The following ASTN2 variants were observed in gnomAD, a reference collection of about 807,000 sequenced individuals.
The protein encoded by ASTN2 is astrotactin-2.
In ASTN2, 54 loss-of-function variants were observed where a neutral mutation model predicts 139.8. The ratio of observed to expected loss-of-function variants is 0.39; its 90% CI spans 0.31 to 0.48. The LOEUF (loss-of-function observed/expected upper bound fraction) is 0.48. Among genes scored for constraint, ASTN2 ranks in the 20% least tolerant of loss-of-function variants. The pLI, the probability that ASTN2 is intolerant of heterozygous loss-of-function variation, is 0.95. For synonymous variants in ASTN2, 756 were observed against 719.5 expected, an observed-to-expected ratio of 1.05 and a Z score of -0.81; for missense variants, 1,565 against 1,725.1, an observed-to-expected ratio of 0.91 and a Z score of 1.64.
chr9:116,780,741 T>C (rs1830197309), intron 13 of ASTN2, among the ~76,000 whole-genome samples: 1 of 152,210 alleles, frequency 6.6e-6, no homozygotes, highest in African/African-American at 2.4e-5. Flanking sequence ...AGAGCTATTT[T>C]ATTTACTTTT....
chr9:117,122,564 G>A (rs1173460160), intron 4 of ASTN2, among the ~76,000 whole-genome samples: 1 of 152,230 alleles, frequency 6.6e-6, no homozygotes, highest in Non-Finnish European at 1.5e-5. Context: ...GCAGTCTGAA[G>A]TGTCCACATG....
intron 1 of ASTN2, among the ~76,000 whole-genome samples, chr9:117,403,533 G>A (rs984752962): frequency 2.0e-5 from 3 of 150,806 alleles, no homozygotes; most frequent in East Asian, 3.9e-4. Flanking sequence ...GCCTTCCCCC[G>A]ATGCCCCACC....
intron 4 of ASTN2, among the ~76,000 whole-genome samples, chr9:117,119,702 A>G (rs1829491589): frequency 6.6e-6 from 1 of 152,114 alleles, no homozygotes; most frequent in Non-Finnish European, 1.5e-5. Flanking sequence ...AAATATGAGA[A>G]AGAGACACTA....
At chr9:116,914,610 T>C (rs1834396002) in intron 10 of ASTN2, among the ~76,000 whole-genome samples, 1 of 151,238 alleles carries the variant, frequency 6.6e-6, no homozygotes, top group Admixed American at 6.6e-5. Context: ...ATCTCAGTCT[T>C]CATGAGGTGG....
chr9:116,489,568 C>G (rs1214239977), intron 19 of ASTN2, among the ~76,000 whole-genome samples: 1 of 152,136 alleles, frequency 6.6e-6, no homozygotes, highest in Non-Finnish European at 1.5e-5. Flanking sequence ...AACTACTGAG[C>G]CTTGGCCTCC....
intron 17 of ASTN2, among the ~76,000 whole-genome samples, chr9:116,621,021 A>G (rs369645251): frequency 1.3e-4 from 20 of 152,180 alleles, no homozygotes; most frequent in African/African-American, 4.6e-4. Flanking sequence ...CCACCTTTTC[A>G]TCTCTCACCA....
intron 5 of ASTN2, among the ~76,000 whole-genome samples, chr9:117,059,808 T>G (rs1276985456): frequency 6.6e-6 from 1 of 152,122 alleles, no homozygotes; most frequent in African/African-American, 2.4e-5. Context: ...CAACAAATAC[T>G]TATAAAGTTT....
chr9:117,225,535 G>GTGTATATATATA (rs372269409), intron 2 of ASTN2, among the ~76,000 whole-genome samples: 3 of 63,962 alleles, frequency 4.7e-5, no homozygotes, highest in South Asian at 1.3e-3. Context: ...CAAGCTGTAT[G>GTGTATATATATA]TATATATATA....
rs1248631023 is a variant in ASTN2 at position 117,168,462 on chromosome 9, C to T, written c.1016-26984G>A. On this transcript the variant is annotated intron_variant, in intron 3 of 22. Transcript: ENST00000313400. Reference sequence around the variant, plus strand: ...CTGTACCCTGAGATCCTAATGAAAGCCAGAGCGTTGATGAAGTATGGGAGT... The same window carrying T: ...CTGTACCCTGAGATCCTAATGAAAGTCAGAGCGTTGATGAAGTATGGGAGT... Among the ~76,000 whole-genome samples, 4 of 151,970 alleles carry T rather than the reference C, an allele frequency of 2.6e-5. No homozygotes were observed. In the East Asian group the frequency reaches 7.7e-4, roughly 29 times the overall value.
chr9:116,827,564 C>T (rs1831674259), intron 11 of ASTN2, among the ~76,000 whole-genome samples: 1 of 152,038 alleles, frequency 6.6e-6, no homozygotes, highest in African/African-American at 2.4e-5. Flanking sequence ...CAACTGATGC[C>T]ACGGAAATAC....
intron 1 of ASTN2, among the ~76,000 whole-genome samples, chr9:117,413,000 C>T (rs1316363382): frequency 6.6e-6 from 1 of 152,152 alleles, no homozygotes; most frequent in African/African-American, 2.4e-5. Context: ...AGCGCCGCCG[C>T]GGGGAGTCCC....
chr9:116,926,211 T>C (rs1180780839), intron 10 of ASTN2, among the ~76,000 whole-genome samples: 1 of 152,194 alleles, frequency 6.6e-6, no homozygotes, highest in African/African-American at 2.4e-5. Context: ...CCATCAATGA[T>C]GTCTTCAAGC....
At chr9:117,160,014 T>A (rs1299733333) in intron 3 of ASTN2, among the ~76,000 whole-genome samples, 1 of 151,962 alleles carries the variant, frequency 6.6e-6, no homozygotes, top group Admixed American at 6.6e-5. Flanking sequence ...CACAAAGATA[T>A]GAAAGTCACA....
chr9:116,807,821 T>C (rs556832223), intron 12 of ASTN2, among the ~76,000 whole-genome samples: 84 of 152,076 alleles, frequency 5.5e-4, no homozygotes, highest in African/African-American at 1.8e-3. Context: ...GTAAACATTA[T>C]CAAAGTCTGG....
At position 117,414,984 on chromosome 9, in the gene ASTN2, G is replaced by A. The variant is rs1473050162; in HGVS notation, c.-46C>T. ...TGCGGGCGGCGGCGGCGGTGGCGGC[G>A]GTGGCGAAGGAGGAAGAGGAGGCAG... On this transcript the variant is annotated 5_prime_UTR_variant, in exon 1 of 23. Transcript: ENST00000313400. This position sits in a 1 kb window ranked among gnomAD's most constrained non-coding sequence, Gnocchi z 4.2. 1 of 215,084 alleles carries A rather than the reference G, an allele frequency of 4.6e-6. No individual in the cohort carries two copies. Among genetic ancestry groups the A allele is most frequent in the Non-Finnish European group, 8.5e-6 (1 of 117,328 alleles). The allele number at this position is 215,084 out of a possible 1,614,324, so 13.3% of individuals were successfully genotyped here. A position where few individuals can be genotyped will look rare whatever the true frequency, so the allele number is the denominator to read the frequency against.
chr9:117,337,736 G>T (rs979537592), intron 1 of ASTN2, among the ~76,000 whole-genome samples: 2 of 152,092 alleles, frequency 1.3e-5, no homozygotes, highest in Non-Finnish European at 2.9e-5. Context: ...TAACCAACTA[G>T]TAGACACTGT....
intron 16 of ASTN2, among the ~76,000 whole-genome samples, chr9:116,677,920 T>A (rs1251836884): frequency 6.6e-6 from 1 of 152,172 alleles, no homozygotes; most frequent in African/African-American, 2.4e-5. Flanking sequence ...ATATTACAAG[T>A]GCTGAAGCAT....
intron 3 of ASTN2, among the ~76,000 whole-genome samples, chr9:117,165,543 G>A (rs1830651796): frequency 6.6e-6 from 1 of 152,084 alleles, no homozygotes; most frequent in African/African-American, 2.4e-5. Context: ...GAACTGCGCA[G>A]CACGGAAGTC....
At chr9:117,091,716 G>A (rs1429395545) in intron 5 of ASTN2, among the ~76,000 whole-genome samples, 1 of 152,122 alleles carries the variant, frequency 6.6e-6, no homozygotes, top group Non-Finnish European at 1.5e-5. Context: ...AGCGGACAGA[G>A]CCCTGGGGAG....
Sources: gnomAD v4.1 joint callset for allele counts (sites outside exome capture counted in the v4.1 genomes callset) on GRCh38, gnomAD v4.1.1 for gene constraint, Gnocchi (gnomAD v3.1) non-coding constraint, MANE v1.5 for transcripts, NCBI Gene and HGNC (gene_info 2026-07-23, HGNC 2026-07-21) for gene names.